The following HNF4G variants were observed in gnomAD, a reference collection of about 807,000 sequenced individuals.
HNF4G encodes hepatocyte nuclear factor 4 gamma, also known as hepatocyte nuclear factor 4-gamma.
HNF4G carries 21 observed loss-of-function variants against 50.9 expected under a neutral mutation model. The observed-to-expected ratio is 0.41, with a 90% CI of 0.29 to 0.59. The LOEUF is 0.59. Ranked by LOEUF, HNF4G falls within the 20% of genes least tolerant of loss-of-function variation. The pLI, the probability that HNF4G is intolerant of heterozygous loss-of-function variation, is 0.26. For synonymous variants in HNF4G, 198 were observed against 185.6 expected (o/e 1.07, Z -0.54); for missense variants, 527 against 559.4 (o/e 0.94, Z 0.58).
intron 1 of HNF4G, among the ~76,000 whole-genome samples, chr8:75,418,305 A>T (rs538684210): frequency 6.6e-6 from 1 of 152,004 alleles, no homozygotes; most frequent in Non-Finnish European, 1.5e-5. Context: ...TTTCTTTCTG[A>T]GGTACTACTG....
chr8:75,437,631 C>T (rs563512759), intron 1 of HNF4G, among the ~76,000 whole-genome samples: 46 of 152,076 alleles, frequency 3.0e-4, no homozygotes, highest in South Asian at 1.2e-3. Context: ...GCCGAGATCA[C>T]GCCACTGCAC....
At chr8:75,436,838 G>GT (rs139980999) in intron 1 of HNF4G, among the ~76,000 whole-genome samples, 117,112 of 152,120 alleles carry the variant, frequency 0.77, 45,880 homozygotes, top group African/African-American at 0.91. Context: ...GAGGCCAGGA[G>GT]TTGCAACCAG....
chr8:75,553,947 A>G (rs1373603195), intron 5 of HNF4G, among the ~76,000 whole-genome samples: 1 of 152,098 alleles, frequency 6.6e-6, no homozygotes, highest in Non-Finnish European at 1.5e-5. Flanking sequence ...TTCATTTTGA[A>G]CCGTTCTTAC....
At chr8:75,546,376 G>GTGTT (rs1308770004) in intron 2 of HNF4G, among the ~76,000 whole-genome samples, 2 of 151,962 alleles carry the variant, frequency 1.3e-5, no homozygotes, top group Non-Finnish European at 2.9e-5. Context: ...TCTTTTTTAT[G>GTGTT]TGTTTGTTTG....
chr8:75,547,716 A>G (rs1806828887), intron 3 of HNF4G, 35 bp downstream of exon 3: 1 of 1,234,156 alleles, frequency 8.1e-7, no homozygotes, highest in South Asian at 1.2e-5. Flanking sequence ...AACATTATTG[A>G]TGAAAAGTGA....
chr8:75,534,712 T>C (rs1806414874), intron 2 of HNF4G, among the ~76,000 whole-genome samples: 1 of 151,922 alleles, frequency 6.6e-6, no homozygotes, highest in Non-Finnish European at 1.5e-5. Flanking sequence ...CAACTTTCTT[T>C]AGATTTTACT....
intron 1 of HNF4G, among the ~76,000 whole-genome samples, chr8:75,412,221 G>GA (rs1489717834): frequency 1.3e-5 from 2 of 152,146 alleles, no homozygotes; most frequent in African/African-American, 4.8e-5. Context: ...GCAGTGTAGA[G>GA]AAAAATCACA....
intron 1 of HNF4G, among the ~76,000 whole-genome samples, chr8:75,464,066 G>A (rs1350144292): frequency 3.9e-5 from 6 of 152,028 alleles, no homozygotes; most frequent in Admixed American, 3.9e-4. Flanking sequence ...GAGCCACCGT[G>A]CCCGGACACA....
intron 1 of HNF4G, among the ~76,000 whole-genome samples, chr8:75,413,344 G>A (rs1455960344): frequency 7.1e-6 from 1 of 140,036 alleles, no homozygotes; most frequent in East Asian, 2.3e-4. Flanking sequence ...GGGAGGGGAG[G>A]GGTGGGGAGG....
chr8:75,502,865 G>T (rs1053417277), intron 2 of HNF4G, among the ~76,000 whole-genome samples: 1 of 152,176 alleles, frequency 6.6e-6, no homozygotes, highest in African/African-American at 2.4e-5. Context: ...GTCTGAAATT[G>T]TCTGTTAGTA....
intron 1 of HNF4G, among the ~76,000 whole-genome samples, chr8:75,542,535 G>GAAAAAAA: frequency 1.2e-5 from 1 of 80,526 alleles, no homozygotes; most frequent in Non-Finnish European, 2.5e-5. Context: ...CAATGACGAC[G>GAAAAAAA]AAAAAAAAAA....
intron 2 of HNF4G, among the ~76,000 whole-genome samples, chr8:75,532,483 T>C (rs999466435): frequency 2.0e-5 from 3 of 152,230 alleles, no homozygotes; most frequent in Middle Eastern, 3.4e-3. Context: ...TATATTTATG[T>C]GGGCACCTTC....
intron 1 of HNF4G, among the ~76,000 whole-genome samples, chr8:75,465,186 A>G (rs923054772): frequency 1.1e-4 from 16 of 152,228 alleles, no homozygotes; most frequent in African/African-American, 3.9e-4. Context: ...CAGCTAACCC[A>G]TGTAGCCTCA....
At chr8:75,563,864 T>C in intron 9 of HNF4G, 111 bp from the exon 10 acceptor site, 1 of 1,231,538 alleles carries the variant, frequency 8.1e-7, no homozygotes, top group Non-Finnish European at 1.1e-6. Context: ...GTGTAGGATA[T>C]TTTAAAAACA....
chr8:75,524,665 T>C (rs1806134475), intron 2 of HNF4G, among the ~76,000 whole-genome samples: 1 of 152,030 alleles, frequency 6.6e-6, no homozygotes. Flanking sequence ...AAAGGCAATA[T>C]TGCAACACCC....
At chr8:75,485,611 G>A (rs1027381209) in intron 1 of HNF4G, among the ~76,000 whole-genome samples, 6 of 152,182 alleles carry the variant, frequency 3.9e-5, no homozygotes, top group Non-Finnish European at 7.4e-5. Context: ...GCAATCAAAT[G>A]TATACCATCC....
At chr8:75,415,386 A>T (rs1249193093) in intron 1 of HNF4G, among the ~76,000 whole-genome samples, 1 of 152,156 alleles carries the variant, frequency 6.6e-6, no homozygotes, top group Non-Finnish European at 1.5e-5. Context: ...TATATTCATA[A>T]ATGGGAATAG....
intron 2 of HNF4G, among the ~76,000 whole-genome samples, chr8:75,527,290 G>A (rs970183396): frequency 1.3e-5 from 2 of 152,078 alleles, no homozygotes; most frequent in Non-Finnish European, 2.9e-5. Flanking sequence ...TGGTATTGTT[G>A]GATGTGAGTT....
chr8:75,486,940 G>C (rs1254805131), intron 1 of HNF4G, among the ~76,000 whole-genome samples: 1 of 152,092 alleles, frequency 6.6e-6, no homozygotes, highest in African/African-American at 2.4e-5. Flanking sequence ...AGATCGAGGC[G>C]GCAGTGAGCC....
Sources: allele counts gnomAD v4.1 joint callset (sites outside exome capture counted in the v4.1 genomes callset), GRCh38; gene constraint gnomAD v4.1.1; transcripts MANE v1.5; gene names NCBI Gene and HGNC (gene_info 2026-07-23, HGNC 2026-07-21).